Variants in NLGN1 observed in about 807,000 individuals in gnomAD.
NLGN1 encodes the protein neuroligin 1.
In NLGN1, 12 loss-of-function variants were observed where a neutral mutation model predicts 65.5. The ratio of observed to expected loss-of-function variants is 0.18; its 90% CI spans 0.12 to 0.30. NLGN1 has a LOEUF of 0.30. Among genes scored for constraint, NLGN1 ranks in the 10% least tolerant of loss-of-function variants. The probability of loss-of-function intolerance (pLI) is 1.00; values close to 1 mark genes in which losing one functional copy is unlikely to be tolerated. For synonymous variants in NLGN1, 350 were observed against 359.5 expected (o/e 0.97, Z 0.30); for missense variants, 750 against 1,007.1 (o/e 0.74, Z 3.46).
chr3:173,835,472 A>G (rs554691705), intron 4 of NLGN1, among the ~76,000 whole-genome samples: 6 of 151,912 alleles, frequency 3.9e-5, no homozygotes, highest in Admixed American at 1.3e-4. Flanking sequence ...TTCATTATCA[A>G]TCATCTAAGA....
At chr3:174,039,872 A>G (rs1731911173) in intron 4 of NLGN1, among the ~76,000 whole-genome samples, 1 of 152,166 alleles carries the variant, frequency 6.6e-6, no homozygotes, top group Non-Finnish European at 1.5e-5. Flanking sequence ...AATGTGAGAA[A>G]TGACAGCAAA....
chr3:173,525,022 A>G (rs1406302102), intron 2 of NLGN1, among the ~76,000 whole-genome samples: 1 of 152,092 alleles, frequency 6.6e-6, no homozygotes, highest in Non-Finnish European at 1.5e-5. Context: ...ATTGTCCTAC[A>G]GTTTTTTGTT....
At chr3:173,546,645 C>G (rs1739895989) in intron 2 of NLGN1, among the ~76,000 whole-genome samples, 1 of 152,144 alleles carries the variant, frequency 6.6e-6, no homozygotes, top group Non-Finnish European at 1.5e-5. Context: ...CGCTATATTT[C>G]CTCTGTCTGT....
intron 2 of NLGN1, among the ~76,000 whole-genome samples, chr3:173,472,165 G>C (rs1189983290): frequency 6.6e-6 from 1 of 152,058 alleles, no homozygotes; most frequent in Non-Finnish European, 1.5e-5. Flanking sequence ...ACAGAAATAG[G>C]ATGCTGATTA....
At chr3:173,717,935 G>A (rs1770146443) in intron 3 of NLGN1, among the ~76,000 whole-genome samples, 1 of 152,092 alleles carries the variant, frequency 6.6e-6, no homozygotes, top group South Asian at 2.1e-4. Context: ...GTAGGTACAA[G>A]GGTAAGAGTG....
chr3:173,883,924 A>G (rs1405556762), intron 4 of NLGN1, among the ~76,000 whole-genome samples: 8 of 151,400 alleles, frequency 5.3e-5, no homozygotes, highest in Non-Finnish European at 7.4e-5. Context: ...TTCACATGAG[A>G]AATTGTCGTT....
In NLGN1 at chr3:173,414,038, G is replaced by C. The variant is rs537049732; in HGVS notation, c.-390+15551G>C. On this transcript the variant is annotated intron_variant, in intron 1 of 6. Coordinates refer to ENST00000457714, the Ensembl canonical transcript of NLGN1. ...CACAGAAGATCCTGGGTTCGGGAAG[G>C]TACCCCAAAGTGCCTCCAAAGCATC... Among the ~76,000 whole-genome samples, 19 of 152,260 alleles carry C rather than the reference G, an allele frequency of 1.2e-4. No individual in the cohort carries two copies. The South Asian group carries it at 3.9e-3, about 32-fold the overall frequency.
At position 174,218,532 on chromosome 3, in the gene NLGN1, C is replaced by A. The variant is rs4894659; in HGVS notation, c.647-56783C>A. Among the ~76,000 whole-genome samples, 7 of 151,752 alleles carry A rather than the reference C, an allele frequency of 4.6e-5. 1 individual carries two copies. Among genetic ancestry groups the A allele is most frequent in the Admixed American group, 2.0e-4 (3 of 15,238 alleles). On this transcript the variant is annotated intron_variant, in intron 4 of 6. Transcript: ENST00000457714. ...TTTTTCAATAAATAGCTCTTACAGC[C>A]TTGAGAACCTCACCTCATAATGGTA...
chr3:174,174,188 GTA>G (rs1372331743), intron 4 of NLGN1, among the ~76,000 whole-genome samples: 1 of 151,880 alleles, frequency 6.6e-6, no homozygotes, highest in Admixed American at 6.6e-5. Context: ...GTAATCCATT[GTA>G]TATATATACC....
chr3:173,556,220 A>G (rs141393427), intron 2 of NLGN1, among the ~76,000 whole-genome samples: 215 of 152,098 alleles, frequency 1.4e-3, no homozygotes, highest in African/African-American at 4.8e-3. Context: ...TTTTGATGCT[A>G]TTGATCTTTA....
intron 4 of NLGN1, among the ~76,000 whole-genome samples, chr3:174,217,339 C>T (rs1266912951): frequency 3.9e-5 from 6 of 152,098 alleles, no homozygotes; most frequent in Non-Finnish European, 8.8e-5. Flanking sequence ...CAAATGAAAA[C>T]ATAATCTACA....
chr3:173,897,653 C>A (rs1278083812), intron 4 of NLGN1, among the ~76,000 whole-genome samples: 3 of 152,102 alleles, frequency 2.0e-5, no homozygotes, highest in African/African-American at 4.8e-5. Context: ...TATACTGATA[C>A]CCTCATTTGG....
intron 2 of NLGN1, among the ~76,000 whole-genome samples, chr3:173,527,113 G>A (rs927368169): frequency 2.0e-5 from 3 of 152,110 alleles, no homozygotes; most frequent in African/African-American, 4.8e-5. Flanking sequence ...TATATACCTA[G>A]TTCTATTTTT....
chr3:173,947,979 G>A (rs867193802), intron 4 of NLGN1, among the ~76,000 whole-genome samples: 39 of 152,280 alleles, frequency 2.6e-4, no homozygotes, highest in African/African-American at 8.4e-4. Context: ...TGGTAAAATA[G>A]CTAACCATGT....
intron 4 of NLGN1, among the ~76,000 whole-genome samples, chr3:173,912,909 G>A (rs1739917488): frequency 6.6e-6 from 1 of 152,004 alleles, no homozygotes; most frequent in African/African-American, 2.4e-5. Context: ...CTCCTTTAAG[G>A]TACTTCACTG....
intron 3 of NLGN1, among the ~76,000 whole-genome samples, chr3:173,652,966 G>A (rs147281529): frequency 2.0e-4 from 31 of 151,956 alleles, no homozygotes; most frequent in African/African-American, 7.0e-4. Context: ...TTCACCTCTT[G>A]TTTAAATATG....
chr3:173,422,430 T>C (rs549042317), intron 1 of NLGN1, among the ~76,000 whole-genome samples: 52 of 152,346 alleles, frequency 3.4e-4, no homozygotes, highest in African/African-American at 1.3e-3. Context: ...TGAATAGCAC[T>C]ACAATAAACA....
intron 4 of NLGN1, among the ~76,000 whole-genome samples, chr3:174,261,822 G>T (rs1746976291): frequency 6.7e-6 from 1 of 149,624 alleles, no homozygotes; most frequent in Admixed American, 6.7e-5. Context: ...CTGTGGGGTT[G>T]TCATAGATAG....
intron 3 of NLGN1, among the ~76,000 whole-genome samples, chr3:173,740,838 G>A (rs1056041592): frequency 1.3e-5 from 2 of 152,116 alleles, no homozygotes; most frequent in African/African-American, 4.8e-5. Context: ...GAAAAGCCAT[G>A]CGTAAGGTGG....
Sources: allele counts gnomAD v4.1 joint callset (sites outside exome capture counted in the v4.1 genomes callset), GRCh38; gene constraint gnomAD v4.1.1; transcripts MANE v1.5; gene names NCBI Gene and HGNC (gene_info 2026-07-23, HGNC 2026-07-21).